The following SLC35B1 variants were observed in gnomAD, a reference collection of about 807,000 sequenced individuals.
SLC35B1 encodes ATP/ADP exchanger ER.
Under a neutral mutation model 36.6 loss-of-function variants are expected in SLC35B1, and 27 were observed. That is an observed-to-expected ratio of 0.74 (90% CI 0.54 to 1.02). The LOEUF (loss-of-function observed/expected upper bound fraction) is 1.02. Among genes scored for constraint, SLC35B1 ranks in the 50% least tolerant of loss-of-function variants. The probability of loss-of-function intolerance (pLI) is 0.00; values close to 1 mark genes in which losing one functional copy is unlikely to be tolerated. For synonymous variants in SLC35B1, 162 were observed against 152.5 expected (o/e 1.06, Z -0.46); for missense variants, 321 against 383.2 (o/e 0.84, Z 1.35).
Position 49,705,236 on chromosome 17 carries a change from G to A in SLC35B1, c.416C>T (p.Ala139Val). ...AATTAACAGCACACACAGGTACTTG[G>A]CCAACGGGTACTTCTTCTTCAAGAG... The part of the protein sequence containing the change: ...VTLLKKKYPL[A>V]KYLCVLLIVA... Residue 139 changes from alanine (A) to valine (V), a missense_variant, in exon 5 of 9, where the codon GCC becomes GTC. Transcript: ENST00000240333. 6.2e-7 allele frequency: 1 copy of A among 1,614,136 alleles called. No individual in the cohort carries two copies. Among genetic ancestry groups the A allele is most frequent in the Non-Finnish European group, 8.5e-7 (1 of 1,180,002 alleles).
Position 49,707,932 on chromosome 17 carries a change from G to A in SLC35B1, c.-99C>T. The A allele has an allele frequency of 2.6e-6, 4 of 1,563,406 alleles. No homozygotes were observed. The highest frequency in any genetic ancestry group is 3.5e-6 in the Non-Finnish European group (4 of 1,153,964). On this transcript the variant is annotated 5_prime_UTR_variant, in exon 1 of 9. Coordinates refer to ENST00000240333, the MANE Select transcript of SLC35B1 (RefSeq NM_005827.4). ...TCCAGCCGGACATCGCCGACCGGCG[G>A]CAGGGGCCTCATAGGAGCTGCATGC...
rs200982318 is a variant in SLC35B1 at position 49,702,994 on chromosome 17, C to T, written c.780G>A (p.Thr260=). Residue 260 remains threonine (T), a synonymous_variant, in exon 8 of 9, where the codon ACG becomes ACA. Transcript: ENST00000240333. The stretch of plus-strand genomic sequence containing the variant: ...AGGTCAGGGGACCAAAATACACAAC[C>T]GTCATAAAGATGAAGCTCTAGAGAA... ...SALGQSFIFM[T]VVYFGPLTCS... is the part of the protein sequence containing the mutation. The T allele has an allele frequency of 9.3e-6, 15 of 1,613,978 alleles. 1 individual carries two copies. The highest frequency in any genetic ancestry group is 4.0e-5 in the African/African-American group (3 of 74,974).
Position 49,706,987 on chromosome 17 carries a change from G to T in SLC35B1, c.186C>A (p.Ile62=). Residue 62 remains isoleucine, a synonymous_variant, in exon 2 of 9, where the codon ATC becomes ATA. Transcript: ENST00000240333. The part of the protein sequence containing the change: ...ALTLVFIQCV[I]NAVFAKILIQ... Reference sequence around the variant, plus strand: ...CACAGATCTTGGCAAACACAGCATTGATCACACATTGAATGAAGACCAAAG... The same window carrying T: ...CACAGATCTTGGCAAACACAGCATTTATCACACATTGAATGAAGACCAAAG... 1 of 1,613,758 alleles carries T rather than the reference G, an allele frequency of 6.2e-7. No individual in the cohort carries two copies. Among genetic ancestry groups the T allele is most frequent in the Non-Finnish European group, 8.5e-7 (1 of 1,179,730 alleles).
chr17:49,705,320 T>A, intron 4 of SLC35B1, 39 bp from the exon 5 acceptor site: 1 of 1,604,704 alleles, frequency 6.2e-7, no homozygotes, highest in Non-Finnish European at 8.5e-7. Context: ...CAGGCATCCA[T>A]AAGGTATTGA....
chr17:49,707,527 A>T (rs1428808396), intron 1 of SLC35B1: 4 of 1,493,552 alleles, frequency 2.7e-6, no homozygotes. Context: ...AAAGAAAATA[A>T]CCAAGTCCGA....
upstream of SLC35B1, chr17:49,708,186 A>C (rs1311943008): frequency 1.6e-6 from 1 of 639,426 alleles, no homozygotes; most frequent in African/African-American, 1.8e-5. Flanking sequence ...CCAGAGCACC[A>C]CAGGGTGTCC....
chr17:49,707,981 C>A (rs563923371), upstream of SLC35B1: 23 of 1,505,890 alleles, frequency 1.5e-5, 1 homozygote, highest in Admixed American at 2.4e-4. Context: ...CAGGGCCCAG[C>A]AGTCACTACC....
intron 2 of SLC35B1, 120 bp downstream of exon 2, chr17:49,706,845 G>C (rs2073425106): frequency 1.4e-6 from 1 of 724,292 alleles, no homozygotes; most frequent in African/African-American, 1.8e-5. Flanking sequence ...GGCTGTGTAA[G>C]TACAAAATGG....
chr17:49,705,800 TAGCAGAGAGAG>T, intron 4 of SLC35B1, 55 bp downstream of exon 4: 1 of 1,483,374 alleles, frequency 6.7e-7, no homozygotes, highest in Non-Finnish European at 9.4e-7. Context: ...GACACAGTTG[TAGCAGAGAGAG>T]AGCTTACTAT....
At chr17:49,707,414 T>C (rs757148251) in intron 1 of SLC35B1, 1 of 1,442,904 alleles carries the variant, frequency 6.9e-7, no homozygotes, top group South Asian at 1.2e-5. Flanking sequence ...TGCAAGCATC[T>C]GGGAGTACCA....
intron 6 of SLC35B1, chr17:49,703,639 C>A: frequency 2.9e-6 from 1 of 346,490 alleles, no homozygotes. Context: ...TAGTCACCTT[C>A]AGCCATCAGC....
chr17:49,703,940 C>A lies in SLC35B1; in HGVS notation c.655+160G>T, dbSNP rs2073383433. On this transcript the variant is annotated intron_variant, in intron 6 of 8. Coordinates refer to ENST00000240333, the MANE Select transcript of SLC35B1 (RefSeq NM_005827.4). The stretch of plus-strand genomic sequence containing the variant: ...AAGTAGCAAACAAATCCTGCTGGTG[C>A]AGGTTTTTCCAGGAAGGTTTCTCAA... 3.0e-5 allele frequency: 24 copies of A among 792,728 alleles called. No homozygotes were observed. In the South Asian group the frequency reaches 4.0e-4, roughly 13 times the overall value. The allele number at this position is 792,728 out of a possible 1,614,324, so 49.1% of individuals were successfully genotyped here.
intron 6 of SLC35B1, chr17:49,703,896 CCTT>C: frequency 1.8e-6 from 1 of 560,680 alleles, no homozygotes. Context: ...ACACGACTCT[CCTT>C]CATTGTGCCA....
chr17:49,704,478 G>A (rs2143654840), intron 5 of SLC35B1, among the ~76,000 whole-genome samples: 1 of 148,500 alleles, frequency 6.7e-6, no homozygotes, highest in Non-Finnish European at 1.5e-5. Context: ...AATCAGAGTA[G>A]AGCAGGAAGC....
chr17:49,707,770 A>G lies in SLC35B1; in HGVS notation c.64T>C (p.Phe22Leu), dbSNP rs1213868171. 1.2e-6 allele frequency: 2 copies of G among 1,611,964 alleles called. No homozygotes were observed. The highest frequency in any genetic ancestry group is 1.7e-6 in the Non-Finnish European group (2 of 1,179,868). ...ATCCCATAGTAAAAATAGCAGACAA[A>G]GACACCCAGGAAGCAGAGCGGCAGG... ...LRLPLCFLGV[F>L]VCYFYYGILQ... Residue 22 changes from phenylalanine to leucine, a missense_variant, in exon 1 of 9, where the codon TTT becomes CTT. Transcript: ENST00000240333.
At chr17:49,706,373 A>G in intron 2 of SLC35B1, 39 bp from the exon 3 acceptor site, 1 of 1,156,940 alleles carries the variant, frequency 8.6e-7, no homozygotes, top group Non-Finnish European at 1.1e-6. Context: ...AAAGAAAAGA[A>G]AAGAAAAAAA....
At chr17:49,708,143 T>C (rs1301132380), upstream of SLC35B1, 4 of 696,142 alleles carry the variant, frequency 5.7e-6, no homozygotes, top group African/African-American at 1.8e-5. Context: ...CTGGAGATTT[T>C]TCCAATCAGG....
In SLC35B1 at chr17:49,707,055, A is replaced by G. The variant is rs1392794597; in HGVS notation, c.118T>C (p.Tyr40His). 4.0e-5 allele frequency: 64 copies of G among 1,613,158 alleles called. No homozygotes were observed. In the Admixed American group the frequency reaches 1.1e-3, roughly 26 times the overall value. ...GTCTCCTGCTTGGCTCCTTCCCCAT[A>G]CTTTCCTCTTGTTCTAGAAATGAAA... ...ILQEKITRGK[Y>H]GEGAKQETFT... Residue 40 changes from tyrosine (Y) to histidine (H), a missense_variant, in exon 2 of 9, where the codon TAT (tyrosine) becomes CAT (histidine). Coordinates refer to ENST00000240333, the MANE Select transcript of SLC35B1 (RefSeq NM_005827.4).
chr17:49,701,814 ATGTGGTGACTCACACC>A (rs2073353993), intron 8 of SLC35B1: 1 of 342,920 alleles, frequency 2.9e-6, no homozygotes, highest in South Asian at 2.6e-5. Context: ...CTATGGCTGA[ATGTGGTGACTCACACC>A]TGCAATCCCA....
Sources: allele counts gnomAD v4.1 joint callset (sites outside exome capture counted in the v4.1 genomes callset), GRCh38; gene constraint gnomAD v4.1.1; transcripts MANE v1.5; gene names NCBI Gene and HGNC (gene_info 2026-07-23, HGNC 2026-07-21).